The following SDK1 variants were observed in gnomAD, a reference collection of about 807,000 sequenced individuals.
SDK1 encodes sidekick cell adhesion molecule 1, also known as protein sidekick-1.
Under a neutral mutation model 245.5 loss-of-function variants are expected in SDK1, and 157 were observed. The ratio of observed to expected loss-of-function variants is 0.64; its 90% CI spans 0.56 to 0.73. The LOEUF (loss-of-function observed/expected upper bound fraction) is 0.73. Among genes scored for constraint, SDK1 ranks in the 30% least tolerant of loss-of-function variants. The pLI is 0.00. For synonymous variants in SDK1, 1,647 were observed against 1,278.5 expected (o/e 1.29, Z -6.15); for missense variants, 3,583 against 3,002.3 (o/e 1.19, Z -4.52).
intron 29 of SDK1, among the ~76,000 whole-genome samples, chr7:4,146,154 C>T (rs555827583): frequency 5.6e-5 from 8 of 141,784 alleles, no homozygotes; most frequent in South Asian, 2.1e-4. Flanking sequence ...GTGAGCACTG[C>T]GTTCACACCT....
intron 1 of SDK1, among the ~76,000 whole-genome samples, chr7:3,416,237 C>G (rs1490036311): frequency 6.6e-6 from 1 of 152,044 alleles, no homozygotes; most frequent in East Asian, 1.9e-4. Flanking sequence ...AGAAAGATGT[C>G]TGTGATCAGA....
intron 28 of SDK1, among the ~76,000 whole-genome samples, chr7:4,137,962 C>T (rs1336179650): frequency 6.6e-6 from 1 of 152,206 alleles, no homozygotes; most frequent in African/African-American, 2.4e-5. Context: ...TCCATCGAGT[C>T]TAGGACTTTT....
In SDK1 at chr7:3,495,555, G is replaced by C. The variant is rs1487097789; in HGVS notation, c.299-123525G>C. 3.8e-4 allele frequency among the ~76,000 whole-genome samples: 58 copies of C among 152,176 alleles called. 1 individual carries two copies. The highest frequency in any genetic ancestry group is 1.5e-5 in the Non-Finnish European group (1 of 68,040). On this transcript the variant is annotated intron_variant, in intron 1 of 44. Coordinates refer to ENST00000404826, the MANE Select transcript of SDK1 (RefSeq NM_152744.4). ...ATTACAGGCGTGAGCCACTGCTCTG[G>C]GCTGGAAAACTTGGCTCTGATGCTG...
At chr7:3,458,229 G>C (rs536984948) in intron 1 of SDK1, among the ~76,000 whole-genome samples, 1 of 151,762 alleles carries the variant, frequency 6.6e-6, no homozygotes, top group African/African-American at 2.4e-5. Context: ...TCTTTTGTGG[G>C]AAGATATATT....
intron 1 of SDK1, among the ~76,000 whole-genome samples, chr7:3,527,728 TAGG>T (rs1195419141): frequency 1.4e-5 from 2 of 143,030 alleles, no homozygotes; most frequent in Non-Finnish European, 3.0e-5. Context: ...GGGTGAGTGG[TAGG>T]AGGTAAGGTT....
At chr7:3,703,620 A>G (rs978674180) in intron 4 of SDK1, among the ~76,000 whole-genome samples, 8 of 152,206 alleles carry the variant, frequency 5.3e-5, no homozygotes, top group African/African-American at 1.4e-4. Context: ...TGATTTTTCA[A>G]TGCATTGTAT....
At chr7:4,133,085 C>T (rs1252257614) in intron 28 of SDK1, among the ~76,000 whole-genome samples, 2 of 152,198 alleles carry the variant, frequency 1.3e-5, no homozygotes, top group East Asian at 3.9e-4. Flanking sequence ...GCAGACCTAG[C>T]CTTGGTTCCC....
intron 4 of SDK1, among the ~76,000 whole-genome samples, chr7:3,683,598 C>T (rs548188970): frequency 4.3e-4 from 65 of 152,358 alleles, no homozygotes; most frequent in African/African-American, 1.5e-3. Flanking sequence ...CAGCCCCGTT[C>T]CTCCCAGGTC....
chr7:3,535,963 A>G (rs1347370007), intron 1 of SDK1, among the ~76,000 whole-genome samples: 6 of 152,126 alleles, frequency 3.9e-5, no homozygotes, highest in African/African-American at 1.4e-4. Context: ...ATCTAGTACT[A>G]TAATTTATAA....
In SDK1 at chr7:3,478,316, T is replaced by G. The variant is rs1391845387; in HGVS notation, c.299-140764T>G. Among the ~76,000 whole-genome samples, 4 of 152,070 alleles carry G rather than the reference T, an allele frequency of 2.6e-5. No homozygotes were observed. The East Asian group carries it at 7.7e-4, about 29-fold the overall frequency. On this transcript the variant is annotated intron_variant, in intron 1 of 44. Transcript: ENST00000404826. ...AAATGATGAGAGTGTTGACTTATTT[T>G]TTGAGATAGATTCACTCCATCCCTT...
At chr7:3,463,623 G>T (rs761579697) in intron 1 of SDK1, among the ~76,000 whole-genome samples, 1 of 152,202 alleles carries the variant, frequency 6.6e-6, no homozygotes, top group Non-Finnish European at 1.5e-5. Context: ...TTTTGCTAAA[G>T]TAGGTGAGTT....
intron 37 of SDK1, among the ~76,000 whole-genome samples, chr7:4,208,971 G>A (rs1784379117): frequency 6.6e-6 from 1 of 152,344 alleles, no homozygotes; most frequent in East Asian, 1.9e-4. Flanking sequence ...GATTCTGGAA[G>A]TCTGAGAGAC....
At chr7:4,050,451 G>T (rs1277431421) in intron 18 of SDK1, among the ~76,000 whole-genome samples, 2 of 152,216 alleles carry the variant, frequency 1.3e-5, no homozygotes, top group African/African-American at 4.8e-5. Context: ...TGGCAAGGCT[G>T]CAGTGTTCGT....
chr7:4,023,768 C>T (rs1787119176), intron 17 of SDK1, among the ~76,000 whole-genome samples: 1 of 152,180 alleles, frequency 6.6e-6, no homozygotes, highest in African/African-American at 2.4e-5. Context: ...GTTTGGCTCA[C>T]AAATTCAGTT....
In SDK1 at chr7:4,160,829, A is replaced by G. The variant is rs570261072; in HGVS notation, c.4730-957A>G. Among the ~76,000 whole-genome samples the G allele has an allele frequency of 2.6e-5, 4 of 152,206 alleles. No individual in the cohort carries two copies. The South Asian group carries it at 6.2e-4, about 24-fold the overall frequency. On this transcript the variant is annotated intron_variant, in intron 31 of 44. Coordinates refer to ENST00000404826, the MANE Select transcript of SDK1 (RefSeq NM_152744.4). ...CCCTAAAACAGAACGGGGAAGGTGG[A>G]GGTGTGACTGATGCAGGCACTGCCA... is the stretch of plus-strand genomic sequence containing the variant.
chr7:3,975,099 G>C (rs1331662511), intron 13 of SDK1, among the ~76,000 whole-genome samples: 1 of 152,108 alleles, frequency 6.6e-6, no homozygotes, highest in Non-Finnish European at 1.5e-5. Flanking sequence ...GTTCCAAAGA[G>C]CCCAGGCGGG....
intron 1 of SDK1, among the ~76,000 whole-genome samples, chr7:3,328,848 TTTTG>T (rs957215240): frequency 3.9e-5 from 6 of 152,108 alleles, no homozygotes; most frequent in African/African-American, 1.4e-4. Flanking sequence ...TGGTTGTCTT[TTTTG>T]TTTGTTTTAA....
At chr7:3,305,825 C>T (rs1350983485) in intron 1 of SDK1, among the ~76,000 whole-genome samples, 1 of 152,126 alleles carries the variant, frequency 6.6e-6, no homozygotes, top group Non-Finnish European at 1.5e-5. Flanking sequence ...TGTAGCTGTC[C>T]TTTATTGAAC....
chr7:3,715,625 C>T (rs1272069044), intron 4 of SDK1, among the ~76,000 whole-genome samples: 1 of 152,110 alleles, frequency 6.6e-6, no homozygotes, highest in Admixed American at 6.6e-5. Context: ...GGAACTACAG[C>T]CCAAAAAAGT....
Sources: allele counts gnomAD v4.1 joint callset (sites outside exome capture counted in the v4.1 genomes callset), GRCh38; gene constraint gnomAD v4.1.1; transcripts MANE v1.5; gene names NCBI Gene and HGNC (gene_info 2026-07-23, HGNC 2026-07-21).